The following MT4 variants were observed in gnomAD, a reference collection of about 807,000 sequenced individuals.
The protein encoded by MT4 is metallothionein 4, also known as metallothionein-4.
A neutral mutation model predicts 9.5 loss-of-function variants in MT4; 11 were observed. The observed-to-expected ratio is 1.16, with a 90% CI of 0.73 to 1.92. The LOEUF (loss-of-function observed/expected upper bound fraction) is 1.92, where lower values mean the gene tolerates loss of function less well. MT4 is among the 30% of genes most tolerant of loss of function. MT4 has a pLI of 0.00. For missense variants in MT4, 88 were observed against 78.7 expected (o/e 1.12, Z -0.45); for synonymous variants, 29 against 24.6 (o/e 1.18, Z -0.53).
chr16:56,566,012 T>C (rs896581177), intron 1 of MT4, among the ~76,000 whole-genome samples: 12 of 150,584 alleles, frequency 8.0e-5, no homozygotes, highest in African/African-American at 2.9e-4. Context: ...TGCAGCAAAC[T>C]AGGAATGCAC....
intron 1 of MT4, among the ~76,000 whole-genome samples, chr16:56,566,516 A>G (rs1959519155): frequency 7.7e-6 from 1 of 129,674 alleles, no homozygotes; most frequent in Admixed American, 8.7e-5. Flanking sequence ...AAAGAAAGGA[A>G]GAAAGAACGG....
chr16:56,565,258 G>A (rs1299152896), intron 1 of MT4, 99 bp downstream of exon 1: 54 of 1,373,028 alleles, frequency 3.9e-5, no homozygotes, highest in Middle Eastern at 1.8e-4. Context: ...CCTCTAATTA[G>A]GAGCCACCAA....
chr16:56,565,082 C>G lies in MT4; in HGVS notation c.-47C>G. ...CCTCTGGCTGCTGCTCACTCAGCCT[C>G]CCTTCCCCAGCCGTGACAGCACTGG... On this transcript the variant is annotated 5_prime_UTR_variant, in exon 1 of 3. Coordinates refer to ENST00000219162, the MANE Select transcript of MT4 (RefSeq NM_032935.3). The G allele has an allele frequency of 4.3e-6, 7 of 1,611,874 alleles. No homozygotes were observed. The highest frequency in any genetic ancestry group is 5.9e-6 in the Non-Finnish European group (7 of 1,178,802).
chr16:56,566,947 C>G lies in MT4; in HGVS notation c.32-804C>G, dbSNP rs1460934197. Among the ~76,000 whole-genome samples the G allele has an allele frequency of 2.0e-5, 3 of 152,228 alleles. No individual in the cohort carries two copies. The South Asian group carries it at 6.2e-4, about 32-fold the overall frequency. On this transcript the variant is annotated intron_variant, in intron 1 of 2. Coordinates refer to ENST00000219162, the MANE Select transcript of MT4 (RefSeq NM_032935.3). ...GTGGCTCTTGTTTTGAGTTCACTGA[C>G]GTTCCTTGACCTTTCTTAAACCATT...
At position 56,568,269 on chromosome 16, in the gene MT4, G is replaced by A. The variant is rs3891210; in HGVS notation, c.97+453G>A. On this transcript the variant is annotated intron_variant, in intron 2 of 2. Transcript: ENST00000219162. ...AAAGAAAGAAAGAAAGAGAGAGAGA[G>A]AGAGAAAGAAAGAAAGAAAGAAAGA... is the stretch of plus-strand genomic sequence containing the variant. Among the ~76,000 whole-genome samples the A allele has an allele frequency of 1.3e-3, 114 of 84,576 alleles. 2 individuals are homozygous for A. Among genetic ancestry groups the A allele is most frequent in the Middle Eastern group, 5.4e-3 (1 of 184 alleles). The allele number at this position is 84,576 out of a possible 152,430, so 55.5% of individuals were successfully genotyped here.
Position 56,568,271 on chromosome 16 carries a change from G to GAGAA in MT4, c.98-506_98-503dup, listed in dbSNP as rs58324349. Among the ~76,000 whole-genome samples the GAGAA allele has an allele frequency of 3.9e-3, 230 of 58,542 alleles. 8 individuals carry two copies. Among genetic ancestry groups the GAGAA allele is most frequent in the South Asian group, 7.5e-3 (9 of 1,202 alleles). 38.4% of individuals were successfully genotyped at this position (58,542 alleles called of 152,430 possible). A position where few individuals can be genotyped will look rare whatever the true frequency, so the allele number is the denominator to read the frequency against. ...AGAAAGAAAGAAAGAGAGAGAGAGA[G>GAGAA]AGAAAGAAAGAAAGAAAGAAAGAAA... is the stretch of plus-strand genomic sequence containing the variant. On this transcript the variant is annotated intron_variant, in intron 2 of 2. Coordinates refer to ENST00000219162, the MANE Select transcript of MT4 (RefSeq NM_032935.3).
At chr16:56,566,823 GAAAGAAAGAAAGAAAGAAAGAAAGA>G in intron 1 of MT4, among the ~76,000 whole-genome samples, 1 of 80,042 alleles carries the variant, frequency 1.2e-5, no homozygotes, top group Non-Finnish European at 2.7e-5. Context: ...AGAAAGAAAA[GAAAGAAAGAAAGAAAGAAAGAAAGA>G]AAGAAAGAAA....
chr16:56,565,089 C>A lies in MT4; in HGVS notation c.-40C>A. On this transcript the variant is annotated 5_prime_UTR_variant, in exon 1 of 3. Transcript: ENST00000219162. ...CTGCTGCTCACTCAGCCTCCCTTCC[C>A]CAGCCGTGACAGCACTGGAGCCTTT... 1 of 1,612,260 alleles carries A rather than the reference C, an allele frequency of 6.2e-7. No individual in the cohort carries two copies. Among genetic ancestry groups the A allele is most frequent in the Non-Finnish European group, 8.5e-7 (1 of 1,179,154 alleles).
At chr16:56,566,400 C>T (rs1408697029) in intron 1 of MT4, among the ~76,000 whole-genome samples, 1 of 151,494 alleles carries the variant, frequency 6.6e-6, no homozygotes, top group Non-Finnish European at 1.5e-5. Flanking sequence ...GTGGTGCGTG[C>T]CTGTGGTCCC....
At chr16:56,566,240 T>C (rs1959516287) in intron 1 of MT4, among the ~76,000 whole-genome samples, 1 of 151,782 alleles carries the variant, frequency 6.6e-6, no homozygotes, top group South Asian at 2.1e-4. Context: ...CATTATGATA[T>C]AAAAACAAGG....
At chr16:56,566,815 AAAGAAAAGAAAGAAAGAAAGAAAG>A (rs1959538508) in intron 1 of MT4, among the ~76,000 whole-genome samples, 1 of 46,674 alleles carries the variant, frequency 2.1e-5, no homozygotes, top group Non-Finnish European at 4.7e-5. Flanking sequence ...AGAAAGAAAG[AAAGAAAAGAAAGAAAGAAAGAAAG>A]AAAGAAAGAA....
In MT4 at chr16:56,565,241, T is replaced by G. The variant is rs577186189; in HGVS notation, c.31+82T>G. Reference sequence around the variant, plus strand: ...AGCCTGCAGGTCCCTGATGAAAACTTCTCTTCCCTCTAATTAGGAGCCACC... The same window carrying G: ...AGCCTGCAGGTCCCTGATGAAAACTGCTCTTCCCTCTAATTAGGAGCCACC... On this transcript the variant is annotated intron_variant, in intron 1 of 2. Coordinates refer to ENST00000219162, the MANE Select transcript of MT4 (RefSeq NM_032935.3). 1.0e-4 allele frequency: 156 copies of G among 1,494,210 alleles called. No individual in the cohort carries two copies. The South Asian group carries it at 1.8e-3, about 17-fold the overall frequency. The allele number at this position is 1,494,210 out of a possible 1,614,324, so 92.6% of individuals were successfully genotyped here. A position where few individuals can be genotyped will look rare whatever the true frequency, so the allele number is the denominator to read the frequency against.
intron 2 of MT4, 144 bp from the exon 3 acceptor site, chr16:56,568,697 T>C: frequency 1.7e-6 from 1 of 577,758 alleles, no homozygotes; most frequent in South Asian, 2.9e-5. Context: ...TGCCTCAACC[T>C]CCTATCTCAG....
At chr16:56,566,725 A>AGAAGGAAGGAAGGAAGGAAGGAAG (rs1228327339) in intron 1 of MT4, among the ~76,000 whole-genome samples, 1 of 25,108 alleles carries the variant, frequency 4.0e-5, no homozygotes, top group Non-Finnish European at 9.9e-5. Context: ...AAAGAAAGAA[A>AGAAGGAAGGAAGGAAGGAAGGAAG]GAAAGAAAGA....
Position 56,565,167 on chromosome 16 carries a change from A to G in MT4, c.31+8A>G, listed in dbSNP as rs369896332. The G allele has an allele frequency of 6.2e-6, 10 of 1,611,436 alleles. No individual in the cohort carries two copies. The highest frequency in any genetic ancestry group is 8.5e-6 in the Non-Finnish European group (10 of 1,178,870). On this transcript the variant is annotated splice_region_variant and intron_variant, in intron 1 of 2. Transcript: ENST00000219162. Reference sequence around the variant, plus strand: ...AATGTGTCTGCATGTCTGGTGAGTAAAGAAGCCCTCCCTGGGGTCTGGGAA... The same window carrying G: ...AATGTGTCTGCATGTCTGGTGAGTAGAGAAGCCCTCCCTGGGGTCTGGGAA...
chr16:56,567,418 T>C (rs1467634456), intron 1 of MT4, among the ~76,000 whole-genome samples: 1 of 152,094 alleles, frequency 6.6e-6, no homozygotes, highest in Non-Finnish European at 1.5e-5. Context: ...TAAGAATTAT[T>C]TGGGTTGCTT....
intron 1 of MT4, 69 bp downstream of exon 1, chr16:56,565,228 C>T (rs1378988739): frequency 6.4e-6 from 10 of 1,552,022 alleles, no homozygotes; most frequent in African/African-American, 1.4e-5. Context: ...CCTGCAGGTC[C>T]CTGATGAAAA....
At chr16:56,567,261 T>G (rs1276173836) in intron 1 of MT4, among the ~76,000 whole-genome samples, 1 of 152,022 alleles carries the variant, frequency 6.6e-6, no homozygotes, top group African/African-American at 2.4e-5. Flanking sequence ...AGGCCTCATG[T>G]GATTCACCTG....
intron 2 of MT4, among the ~76,000 whole-genome samples, chr16:56,568,253 A>AGAGAGAG (rs1567330586): frequency 1.4e-4 from 10 of 69,248 alleles, no homozygotes; most frequent in East Asian, 4.8e-4. Flanking sequence ...GAAAGAAAGA[A>AGAGAGAG]AGAAAGAGAG....
Sources: gnomAD v4.1 joint callset for allele counts (sites outside exome capture counted in the v4.1 genomes callset) on GRCh38, gnomAD v4.1.1 for gene constraint, MANE v1.5 for transcripts, NCBI Gene and HGNC (gene_info 2026-07-23, HGNC 2026-07-21) for gene names.